FGF12: variants seen among roughly 807,000 people sequenced by gnomAD.
FGF12 encodes the protein fibroblast growth factor 12.
FGF12 carries 14 observed loss-of-function variants against 23.6 expected under a neutral mutation model. That is an observed-to-expected ratio of 0.59 (90% CI 0.39 to 0.93). The LOEUF is 0.93. Among genes scored for constraint, FGF12 ranks in the 40% least tolerant of loss-of-function variants. The pLI is 0.00. For missense variants in FGF12, 175 were observed against 217.8 expected, an observed-to-expected ratio of 0.80 and a Z score of 1.24; for synonymous variants, 62 against 77.3, an observed-to-expected ratio of 0.80 and a Z score of 1.04.
At chr3:192,632,729 T>G (rs1308797688) in intron 2 of FGF12, among the ~76,000 whole-genome samples, 1 of 152,186 alleles carries the variant, frequency 6.6e-6, no homozygotes, top group Non-Finnish European at 1.5e-5. Flanking sequence ...TACAATGAAG[T>G]AAATAAAGGT....
chr3:192,671,518 G>T (rs1910882), intron 2 of FGF12, among the ~76,000 whole-genome samples: 77,502 of 151,452 alleles, frequency 0.51, 20,156 homozygotes, highest in East Asian at 0.66. Context: ...GTAGACGCAT[G>T]GGACTAATAG....
intron 2 of FGF12, among the ~76,000 whole-genome samples, chr3:192,691,839 C>T (rs1452278824): frequency 1.4e-5 from 2 of 147,202 alleles, no homozygotes; most frequent in Admixed American, 7.5e-5. Context: ...GGAAACATTA[C>T]AATAAATGCC....
chr3:192,710,024 C>T (rs1326947477), intron 2 of FGF12, among the ~76,000 whole-genome samples: 1 of 152,206 alleles, frequency 6.6e-6, no homozygotes. Context: ...CTTTAAAAAC[C>T]TGTCTGGAGA....
intron 2 of FGF12, among the ~76,000 whole-genome samples, chr3:192,552,085 A>G (rs1236016045): frequency 6.6e-6 from 1 of 152,142 alleles, no homozygotes; most frequent in Non-Finnish European, 1.5e-5. Flanking sequence ...AAAGAAAACT[A>G]TAACATAGGA....
chr3:192,408,645 A>G lies in FGF12; in HGVS notation c.14-48107T>C. The stretch of plus-strand genomic sequence containing the variant: ...AGACGTGCCTCTGTTGGAGAGGCGC[A>G]AGCGTTGTAAGGTGTCCAAAGTATA... On this transcript the variant is annotated intron_variant, in intron 2 of 5. Coordinates refer to ENST00000445105, the MANE Select transcript of FGF12 (RefSeq NM_004113.6). The surrounding 1 kb of genome is among the most constrained non-coding windows in gnomAD (Gnocchi z 7.3). 2 of 1,036,698 alleles carry G rather than the reference A, an allele frequency of 1.9e-6. No homozygotes were observed. Among genetic ancestry groups the G allele is most frequent in the Non-Finnish European group, 2.3e-6 (2 of 861,754 alleles). 64.2% of individuals were successfully genotyped at this position (1,036,698 alleles called of 1,614,324 possible).
At chr3:192,456,143 CA>C (rs1374678309) in intron 2 of FGF12, among the ~76,000 whole-genome samples, 2 of 152,184 alleles carry the variant, frequency 1.3e-5, no homozygotes, top group African/African-American at 4.8e-5. Context: ...ATGTCTATTA[CA>C]TTTTCACAAT....
chr3:192,438,062 A>G (rs1456749087), intron 2 of FGF12, among the ~76,000 whole-genome samples: 2 of 152,132 alleles, frequency 1.3e-5, no homozygotes, highest in Non-Finnish European at 2.9e-5. Flanking sequence ...TGAGTCTCTC[A>G]TTTTCAATTG....
Position 192,385,704 on chromosome 3 carries a change from AC to A in FGF12, c.14-25167del, listed in dbSNP as rs568120595. Among the ~76,000 whole-genome samples the A allele has an allele frequency of 7.8e-4, 119 of 152,274 alleles. 1 individual carries two copies. The highest frequency in any genetic ancestry group is 2.7e-3 in the African/African-American group (114 of 41,556). On this transcript the variant is annotated intron_variant, in intron 2 of 5. Coordinates refer to ENST00000445105, the MANE Select transcript of FGF12 (RefSeq NM_004113.6). ...CACCTCCGTCTAACAGCCTTGGTGA[AC>A]CTTCAGGCCAGGGGCGAATACTCTC...
At chr3:192,222,786 A>G (rs1222380619) in intron 4 of FGF12, among the ~76,000 whole-genome samples, 1 of 152,190 alleles carries the variant, frequency 6.6e-6, no homozygotes, top group East Asian at 1.9e-4. Flanking sequence ...AAATATGGCC[A>G]TGAGTTTCAC....
intron 2 of FGF12, among the ~76,000 whole-genome samples, chr3:192,537,886 G>C (rs1461776044): frequency 1.3e-5 from 2 of 149,098 alleles, no homozygotes. Context: ...GTGTTGTGGA[G>C]TGTTTTCCCA....
At chr3:192,385,434 G>A (rs568863221) in intron 2 of FGF12, among the ~76,000 whole-genome samples, 1 of 152,166 alleles carries the variant, frequency 6.6e-6, no homozygotes, top group Admixed American at 6.6e-5. Context: ...TATAAATCAA[G>A]GTAACTGTCA....
intron 4 of FGF12, among the ~76,000 whole-genome samples, chr3:192,239,509 G>A (rs1302223480): frequency 1.3e-5 from 2 of 152,120 alleles, no homozygotes; most frequent in African/African-American, 4.8e-5. Context: ...CAACTCCTGG[G>A]CCACAGACTG....
At position 192,490,274 on chromosome 3, in the gene FGF12, T is replaced by C. The variant is rs1723760446; in HGVS notation, c.14-129736A>G. Among the ~76,000 whole-genome samples, 4 of 152,082 alleles carry C rather than the reference T, an allele frequency of 2.6e-5. No homozygotes were observed. The South Asian group carries it at 8.3e-4, about 32-fold the overall frequency. On this transcript the variant is annotated intron_variant, in intron 2 of 5. Coordinates refer to ENST00000445105, the MANE Select transcript of FGF12 (RefSeq NM_004113.6). ...TCTCTCTGTGGTTCGCTGCAGGATT[T>C]TGTAAATGGTTCTACCTCCATCACT...
chr3:192,388,939 C>T (rs550098669), intron 2 of FGF12, among the ~76,000 whole-genome samples: 1 of 151,688 alleles, frequency 6.6e-6, no homozygotes, highest in East Asian at 1.9e-4. Context: ...GATACTGATG[C>T]CTGTGATACC....
chr3:192,474,127 AT>A (rs1180651607), intron 2 of FGF12, among the ~76,000 whole-genome samples: 1 of 152,258 alleles, frequency 6.6e-6, no homozygotes, highest in African/African-American at 2.4e-5. Flanking sequence ...ATGATATCAT[AT>A]TGCCTTTTTA....
intron 2 of FGF12, among the ~76,000 whole-genome samples, chr3:192,397,031 A>G (rs1250591516): frequency 6.6e-6 from 1 of 152,214 alleles, no homozygotes; most frequent in Non-Finnish European, 1.5e-5. Context: ...TAAATCATAA[A>G]GCCATGTGGT....
intron 4 of FGF12, among the ~76,000 whole-genome samples, chr3:192,205,820 A>G (rs1436182383): frequency 6.6e-6 from 1 of 152,192 alleles, no homozygotes; most frequent in Non-Finnish European, 1.5e-5. Context: ...TGAGAATGCC[A>G]GCTATTCCAC....
chr3:192,580,593 T>TTTG (rs767087092), intron 2 of FGF12, among the ~76,000 whole-genome samples: 21 of 152,160 alleles, frequency 1.4e-4, no homozygotes, highest in African/African-American at 4.6e-4. Context: ...AAGAGATTTT[T>TTTG]TTGTTGTTGT....
At chr3:192,453,559 C>A (rs1354440679) in intron 2 of FGF12, among the ~76,000 whole-genome samples, 1 of 152,078 alleles carries the variant, frequency 6.6e-6, no homozygotes, top group African/African-American at 2.4e-5. Flanking sequence ...GAACTGAATT[C>A]CAAAATGGAA....
Sources: allele counts gnomAD v4.1 joint callset (sites outside exome capture counted in the v4.1 genomes callset), GRCh38; gene constraint gnomAD v4.1.1; non-coding constraint Gnocchi (gnomAD v3.1); transcripts MANE v1.5; gene names NCBI Gene and HGNC (gene_info 2026-07-23, HGNC 2026-07-21).